The following PPM1D variants were observed in gnomAD, a reference collection of about 807,000 sequenced individuals.
PPM1D encodes the protein protein phosphatase, Mg2+/Mn2+ dependent 1D.
Under a neutral mutation model 58.3 loss-of-function variants are expected in PPM1D, and 52 were observed. That is an observed-to-expected ratio of 0.89 (90% CI 0.71 to 1.12). PPM1D has a LOEUF of 1.12. Among genes scored for constraint, PPM1D ranks in the 50% most tolerant of loss-of-function variants. The pLI is 0.00. For synonymous variants in PPM1D, 278 were observed against 285.1 expected (o/e 0.98, Z 0.25); for missense variants, 564 against 777.2 (o/e 0.73, Z 3.26).
At chr17:60,629,035 C>T (rs1201741192) in intron 2 of PPM1D, among the ~76,000 whole-genome samples, 1 of 152,088 alleles carries the variant, frequency 6.6e-6, no homozygotes, top group Non-Finnish European at 1.5e-5. Flanking sequence ...GCAGGGTGAC[C>T]AGGCTTAAGA....
intron 2 of PPM1D, among the ~76,000 whole-genome samples, chr17:60,632,997 A>G (rs1055746728): frequency 2.6e-5 from 4 of 151,554 alleles, no homozygotes; most frequent in Non-Finnish European, 5.9e-5. Flanking sequence ...AAACAAAAAA[A>G]CTGGCTGGGC....
intron 1 of PPM1D, among the ~76,000 whole-genome samples, chr17:60,601,645 T>C (rs1407846057): frequency 6.6e-6 from 1 of 152,208 alleles, no homozygotes; most frequent in Non-Finnish European, 1.5e-5. Context: ...CGGTTGTTCC[T>C]AGTTTAAAAA....
chr17:60,638,105 A>T (rs1039681454), intron 3 of PPM1D, among the ~76,000 whole-genome samples: 17 of 152,324 alleles, frequency 1.1e-4, no homozygotes, highest in African/African-American at 3.4e-4. Context: ...AAAATTTGAT[A>T]CAGCGAGTTT....
intron 1 of PPM1D, among the ~76,000 whole-genome samples, 179 bp downstream of exon 1, chr17:60,601,065 T>C (rs948107319): frequency 6.6e-6 from 1 of 152,184 alleles, no homozygotes. Flanking sequence ...CAAGCGGCCT[T>C]GGGGAAGATA....
chr17:60,660,178 A>G (rs1490914946), intron 5 of PPM1D, among the ~76,000 whole-genome samples: 1 of 151,958 alleles, frequency 6.6e-6, no homozygotes, highest in Non-Finnish European at 1.5e-5. Flanking sequence ...TTTACTAAGA[A>G]TACAAAAGTT....
chr17:60,613,720 CGCTGCTGGCCGCAGGCAGTGAGGG>C (rs1257430324), intron 1 of PPM1D, among the ~76,000 whole-genome samples: 9 of 152,218 alleles, frequency 5.9e-5, no homozygotes, highest in Non-Finnish European at 1.2e-4. Flanking sequence ...GGCCAGCTGG[CGCTGCTGGCCGCAGGCAGTGAGGG>C]GCTTAGCACC....
In PPM1D at chr17:60,600,215, G is replaced by C; in HGVS notation, c.-200G>C. On this transcript the variant is annotated 5_prime_UTR_variant, in exon 1 of 6. Coordinates refer to ENST00000305921, the MANE Select transcript of PPM1D (RefSeq NM_003620.4). ...CGCAGTGCGCAGGCGCAACTGCCTGGCTCTGCTCGCTCCGGCGCTCCGGCC... is the reference window on the plus strand; with the variant it reads ...CGCAGTGCGCAGGCGCAACTGCCTGCCTCTGCTCGCTCCGGCGCTCCGGCC... 1 of 1,078,122 alleles carries C rather than the reference G, an allele frequency of 9.3e-7. No individual in the cohort carries two copies. The highest frequency in any genetic ancestry group is 1.3e-6 in the Non-Finnish European group (1 of 781,150). The allele number at this position is 1,078,122 out of a possible 1,614,324, so 66.8% of individuals were successfully genotyped here.
intron 1 of PPM1D, among the ~76,000 whole-genome samples, chr17:60,616,671 TTAG>T (rs771867742): frequency 6.6e-6 from 1 of 152,026 alleles, no homozygotes. Context: ...TATAAATAGA[TTAG>T]TAGGATGAGT....
intron 3 of PPM1D, among the ~76,000 whole-genome samples, chr17:60,640,169 G>A (rs572940933): frequency 1.3e-5 from 2 of 152,230 alleles, no homozygotes; most frequent in South Asian, 4.1e-4. Context: ...GAATTGGCTG[G>A]GCGTGGTTGC....
chr17:60,655,933 C>T (rs965196126), intron 4 of PPM1D, among the ~76,000 whole-genome samples: 7 of 151,238 alleles, frequency 4.6e-5, no homozygotes, highest in Non-Finnish European at 8.8e-5. Flanking sequence ...GATCTCCTGA[C>T]CTCATGATCC....
intron 2 of PPM1D, among the ~76,000 whole-genome samples, chr17:60,629,359 A>G (rs1453546246): frequency 6.6e-6 from 1 of 152,242 alleles, no homozygotes; most frequent in Non-Finnish European, 1.5e-5. Context: ...CGTCTTGCTT[A>G]CAACTGAGCC....
chr17:60,648,686 T>TTTAGTAGAGATGGGGTTTC, intron 4 of PPM1D, among the ~76,000 whole-genome samples: 1 of 150,332 alleles, frequency 6.7e-6, no homozygotes, highest in African/African-American at 2.4e-5. Context: ...GGCCAAAATT[T>TTTAGTAGAGATGGGGTTTC]ATCCTTTTAA....
chr17:60,662,025 C>T (rs919228605), intron 5 of PPM1D, among the ~76,000 whole-genome samples: 2 of 152,000 alleles, frequency 1.3e-5, no homozygotes, highest in African/African-American at 4.8e-5. Flanking sequence ...GAGACGGAGT[C>T]TCACTCCGTC....
At chr17:60,623,026 G>A (rs903649911) in intron 1 of PPM1D, among the ~76,000 whole-genome samples, 2 of 152,156 alleles carry the variant, frequency 1.3e-5, no homozygotes, top group African/African-American at 4.8e-5. Flanking sequence ...GAACCCAGGA[G>A]GCAGAGGTTG....
Position 60,663,237 on chromosome 17 carries a change from T to G in PPM1D, c.1503T>G (p.Thr501=), listed in dbSNP as rs749953957. 6.2e-7 allele frequency: 1 copy of G among 1,614,184 alleles called. No homozygotes were observed. The highest frequency in any genetic ancestry group is 1.1e-5 in the South Asian group (1 of 91,090). The part of the protein sequence containing the change: ...NNSLPIGLVP[T]NSTNTVMDQK... ...GCCTTCCAATTGGCCTTGTGCCTAC[T>G]AATTCAACAAACACTGTCATGGACC... The change falls in exon 6 of 6, where the codon ACT becomes ACG. Residue 501 remains threonine, a synonymous_variant. Coordinates refer to ENST00000305921, the MANE Select transcript of PPM1D (RefSeq NM_003620.4).
intron 3 of PPM1D, among the ~76,000 whole-genome samples, chr17:60,638,240 T>C (rs1330847609): frequency 6.6e-6 from 1 of 152,230 alleles, no homozygotes. Context: ...AAAAAGCTTT[T>C]TTCCTCTTGA....
At chr17:60,646,904 A>G (rs1219135554) in intron 3 of PPM1D, among the ~76,000 whole-genome samples, 3 of 152,204 alleles carry the variant, frequency 2.0e-5, no homozygotes, top group Admixed American at 6.6e-5. Context: ...GAGCATTACA[A>G]TGCTCATTTT....
At chr17:60,650,551 A>AAAC (rs145962010) in intron 4 of PPM1D, among the ~76,000 whole-genome samples, 171 of 151,510 alleles carry the variant, frequency 1.1e-3, no homozygotes, top group Admixed American at 3.0e-3. Context: ...CTCCATCTCA[A>AAAC]AACAACAACA....
At chr17:60,601,293 T>C (rs1160325244) in intron 1 of PPM1D, among the ~76,000 whole-genome samples, 1 of 152,224 alleles carries the variant, frequency 6.6e-6, no homozygotes, top group Non-Finnish European at 1.5e-5. Context: ...GTCATAATTC[T>C]GCTCCTGAAA....
Sources: gnomAD v4.1 joint callset for allele counts (sites outside exome capture counted in the v4.1 genomes callset) on GRCh38, gnomAD v4.1.1 for gene constraint, MANE v1.5 for transcripts, NCBI Gene and HGNC (gene_info 2026-07-23, HGNC 2026-07-21) for gene names.